The following MAP3K20 variants were observed in gnomAD, a reference collection of about 807,000 sequenced individuals.
MAP3K20 encodes the protein mitogen-activated protein kinase kinase kinase 20, also known as HCCS-4.
In MAP3K20, 40 loss-of-function variants were observed where a neutral mutation model predicts 85.7. The observed-to-expected ratio is 0.47, with a 90% CI of 0.36 to 0.61. The LOEUF (loss-of-function observed/expected upper bound fraction) is 0.61. MAP3K20 is among the 20% of genes least tolerant of loss of function. MAP3K20 has a pLI of 0.00. For missense variants in MAP3K20, 817 were observed against 961.7 expected (o/e 0.85, Z 1.99); for synonymous variants, 325 against 327.7 (o/e 0.99, Z 0.09).
At chr2:173,128,885 C>A (rs1688523935) in intron 2 of MAP3K20, among the ~76,000 whole-genome samples, 1 of 148,848 alleles carries the variant, frequency 6.7e-6, no homozygotes, top group South Asian at 2.1e-4. Flanking sequence ...TTCAAGGAAC[C>A]AAAAACATTC....
chr2:173,113,837 C>T (rs1214414168), intron 2 of MAP3K20, among the ~76,000 whole-genome samples: 1 of 152,064 alleles, frequency 6.6e-6, no homozygotes, highest in Non-Finnish European at 1.5e-5. Flanking sequence ...AAGTTCCATA[C>T]ACTGTTGAAT....
At chr2:173,222,271 AG>A in intron 11 of MAP3K20, 2 of 985,912 alleles carry the variant, frequency 2.0e-6, no homozygotes, top group Non-Finnish European at 2.4e-6. Context: ...TGATCTAAGA[AG>A]GTTATAACAA....
In MAP3K20 at chr2:173,217,189, A is replaced by G. The variant is rs1684099478; in HGVS notation, c.926A>G (p.Lys309Arg). Residue 309 changes from lysine (K) to arginine (R), a missense_variant, in exon 11 of 20, where the codon AAA becomes AGA. This residue lies in a region of MAP3K20 where 158 missense variants were observed against 162.0 expected (regional missense o/e 0.98). Transcript: ENST00000375213. ...RDLSFKEQEL[K>R]ERERRLKMWE... ...CTCAGCTTTAAGGAGCAGGAGCTTA[A>G]AGAACGAGAAAGACGTTTAAAGATG... is the stretch of plus-strand genomic sequence containing the variant. 2 of 1,607,406 alleles carry G rather than the reference A, an allele frequency of 1.2e-6. No individual in the cohort carries two copies. Among genetic ancestry groups the G allele is most frequent in the African/African-American group, 2.7e-5 (2 of 74,650 alleles).
intron 16 of MAP3K20, among the ~76,000 whole-genome samples, chr2:173,251,887 GTTTC>G (rs1193049458): frequency 6.6e-6 from 1 of 152,166 alleles, no homozygotes; most frequent in Non-Finnish European, 1.5e-5. Flanking sequence ...TTGGGAGTCT[GTTTC>G]TTTCTGAAAT....
intron 10 of MAP3K20, among the ~76,000 whole-genome samples, chr2:173,213,192 T>C (rs1339326929): frequency 6.6e-6 from 1 of 152,146 alleles, no homozygotes; most frequent in African/African-American, 2.4e-5. Context: ...CATGGACTAG[T>C]TGGATGATAA....
chr2:173,152,671 T>G (rs1259584118), intron 2 of MAP3K20, among the ~76,000 whole-genome samples: 2 of 152,070 alleles, frequency 1.3e-5, no homozygotes, highest in African/African-American at 4.8e-5. Flanking sequence ...AAAACTAGAA[T>G]TTGGGGTGAG....
chr2:173,193,383 T>G (rs1201461019), intron 7 of MAP3K20, among the ~76,000 whole-genome samples: 1 of 152,316 alleles, frequency 6.6e-6, no homozygotes, highest in East Asian at 1.9e-4. Flanking sequence ...TCAAAAATTT[T>G]TGACCTTAAG....
intron 2 of MAP3K20, among the ~76,000 whole-genome samples, chr2:173,137,600 CT>C (rs989709238): frequency 2.0e-5 from 3 of 151,902 alleles, no homozygotes; most frequent in Admixed American, 1.3e-4. Flanking sequence ...CTCTCCCTCT[CT>C]TTTTTTCCTT....
At chr2:173,093,185 T>G (rs949626838) in intron 2 of MAP3K20, among the ~76,000 whole-genome samples, 5 of 152,222 alleles carry the variant, frequency 3.3e-5, no homozygotes, top group African/African-American at 1.2e-4. Flanking sequence ...ATAATTGTTA[T>G]GCTTTATGAA....
At chr2:173,236,496 G>C (rs1156248857) in intron 14 of MAP3K20, among the ~76,000 whole-genome samples, 4 of 152,056 alleles carry the variant, frequency 2.6e-5, no homozygotes, top group Admixed American at 6.6e-5. Flanking sequence ...GCATCTGTTG[G>C]GGGACCTAAC....
chr2:173,258,598 A>G, intron 16 of MAP3K20, 101 bp from the exon 17 acceptor site: 1 of 655,904 alleles, frequency 1.5e-6, no homozygotes, highest in South Asian at 2.0e-5. Context: ...AGCCACTCCA[A>G]TAATACTTCA....
At chr2:173,203,171 G>C (rs1683544387) in intron 8 of MAP3K20, among the ~76,000 whole-genome samples, 1 of 152,138 alleles carries the variant, frequency 6.6e-6, no homozygotes, top group African/African-American at 2.4e-5. Flanking sequence ...GTGGAATAGA[G>C]GCACCACAAG....
At chr2:173,117,958 A>G (rs1297329493) in intron 2 of MAP3K20, among the ~76,000 whole-genome samples, 1 of 152,204 alleles carries the variant, frequency 6.6e-6, no homozygotes. Flanking sequence ...TGGCAAAAGG[A>G]AAGATGTGAG....
intron 1 of MAP3K20, among the ~76,000 whole-genome samples, chr2:173,083,087 A>G (rs1264994810): frequency 6.6e-6 from 1 of 152,228 alleles, no homozygotes; most frequent in Non-Finnish European, 1.5e-5. Context: ...CCATTGCTCT[A>G]ACTAGAGAGT....
rs1372700177 is a variant in MAP3K20, at chr2:173,266,309, T to C, written c.1962T>C (p.Ser654=). The C allele has an allele frequency of 5.0e-6, 8 of 1,613,944 alleles. No individual in the cohort carries two copies. The highest frequency in any genetic ancestry group is 5.9e-6 in the Non-Finnish European group (7 of 1,180,014). The change falls in exon 20 of 20, where the codon TCT becomes TCC. Residue 654 remains serine (S), a synonymous_variant. Transcript: ENST00000375213. ...ACTTCTCTTCCCTACATCTCAACTC[T>C]AGGGACAGTGGCTTTTCCAGTGGCA... ...TKNFSSLHLN[S]RDSGFSSGNT...
intron 1 of MAP3K20, among the ~76,000 whole-genome samples, chr2:173,085,934 T>C (rs1355344780): frequency 6.6e-6 from 1 of 151,854 alleles, no homozygotes; most frequent in Non-Finnish European, 1.5e-5. Context: ...TAGCTGTGAT[T>C]ACAGATGCAC....
At position 173,220,067 on chromosome 2, in the gene MAP3K20, C is replaced by CAAAAAAAAAAAAAAAAAA. The variant is rs71018543; in HGVS notation, c.987+2828_987+2829insAAAAAAAAAAAAAAAAAA. On this transcript the variant is annotated intron_variant, in intron 11 of 19. Transcript: ENST00000375213. ...TGGGCAACAGTGCTAGACTCTGTCTCAAAAAAAAAAAGGAAACTGATCCTG... is the reference window on the plus strand; with the variant it reads ...TGGGCAACAGTGCTAGACTCTGTCTCAAAAAAAAAAAAAAAAAAAAAAAAAAAAAGGAAACTGATCCTG... Among the ~76,000 whole-genome samples the CAAAAAAAAAAAAAAAAAA allele has an allele frequency of 1.3e-4, 15 of 114,178 alleles. No homozygotes were observed. In the East Asian group the frequency reaches 2.9e-3, roughly 22 times the overall value. The allele number at this position is 114,178 out of a possible 152,430, so 74.9% of individuals were successfully genotyped here.
chr2:173,130,419 A>G (rs1238366794), intron 2 of MAP3K20, among the ~76,000 whole-genome samples: 1 of 152,208 alleles, frequency 6.6e-6, no homozygotes, highest in Non-Finnish European at 1.5e-5. Flanking sequence ...AATCAGAAAC[A>G]AAAAGGGTAA....
chr2:173,143,094 A>G (rs913516106), intron 2 of MAP3K20, among the ~76,000 whole-genome samples: 7 of 152,202 alleles, frequency 4.6e-5, no homozygotes, highest in Non-Finnish European at 7.3e-5. Context: ...CAAGAGGTGT[A>G]TTTTAAATAT....
Sources: allele counts gnomAD v4.1 joint callset (sites outside exome capture counted in the v4.1 genomes callset), GRCh38; gene constraint gnomAD v4.1.1; regional missense constraint gnomAD v4.1.1; transcripts MANE v1.5; gene names NCBI Gene and HGNC (gene_info 2026-07-23, HGNC 2026-07-21).